ESR1: variants seen among roughly 807,000 people sequenced by gnomAD.
ESR1 encodes the protein estrogen receptor 1.
Under a neutral mutation model 52.7 loss-of-function variants are expected in ESR1, and 12 were observed. The observed-to-expected ratio is 0.23, with a 90% CI of 0.15 to 0.37. ESR1 has a LOEUF of 0.37. ESR1 is among the 10% of genes least tolerant of loss of function. The pLI, the probability that ESR1 is intolerant of heterozygous loss-of-function variation, is 1.00. For synonymous variants in ESR1, 305 were observed against 316.8 expected (o/e 0.96, Z 0.39); for missense variants, 584 against 779.7 (o/e 0.75, Z 2.99).
chr6:151,850,101 T>TGC (rs1447153907), intron 2 of ESR1, among the ~76,000 whole-genome samples: 4 of 120,500 alleles, frequency 3.3e-5, no homozygotes, highest in African/African-American at 5.7e-5. Flanking sequence ...TAATTTTATA[T>TGC]ATATATACAA....
At chr6:151,748,838 G>A (rs1263225276) in intron 2 of ESR1, among the ~76,000 whole-genome samples, 2 of 152,138 alleles carry the variant, frequency 1.3e-5, no homozygotes, top group East Asian at 3.8e-4. Context: ...TCAAATTTCT[G>A]AGAAATATGC....
At chr6:152,110,873 G>T (rs1027995520) in intron 6 of ESR1, among the ~76,000 whole-genome samples, 1 of 152,146 alleles carries the variant, frequency 6.6e-6, no homozygotes, top group Admixed American at 6.5e-5. Flanking sequence ...GTGGGCAGCC[G>T]TTGGGTAGGG....
chr6:151,958,982 G>A (rs1199444940), intron 4 of ESR1, among the ~76,000 whole-genome samples: 1 of 151,988 alleles, frequency 6.6e-6, no homozygotes, highest in Non-Finnish European at 1.5e-5. Flanking sequence ...CCGTGTGTGT[G>A]TGTGTGTGTG....
At chr6:152,057,989 G>A (rs1361597390) in intron 5 of ESR1, among the ~76,000 whole-genome samples, 2 of 152,296 alleles carry the variant, frequency 1.3e-5, no homozygotes, top group East Asian at 1.9e-4. Context: ...CACTTTCTCA[G>A]TTTCTGAACT....
At chr6:151,857,851 A>G (rs1788149665) in intron 2 of ESR1, among the ~76,000 whole-genome samples, 2 of 152,168 alleles carry the variant, frequency 1.3e-5, no homozygotes, top group African/African-American at 4.8e-5. Flanking sequence ...GACTTTTGAA[A>G]TGTGTACTAC....
intron 4 of ESR1, among the ~76,000 whole-genome samples, chr6:151,972,359 C>G (rs1056994081): frequency 6.6e-6 from 1 of 152,124 alleles, no homozygotes; most frequent in Non-Finnish European, 1.5e-5. Flanking sequence ...AAAAAGAAAA[C>G]TACAGCCCAA....
intron 1 of ESR1, among the ~76,000 whole-genome samples, chr6:151,669,045 C>G (rs554306552): frequency 3.3e-5 from 5 of 150,468 alleles, no homozygotes; most frequent in African/African-American, 1.2e-4. Context: ...GGACTTTGCT[C>G]TAGAGGAAAT....
In ESR1 at chr6:152,094,648, G is replaced by A. The variant is rs1015277798; in HGVS notation, c.1553+80G>A. 25 of 1,332,592 alleles carry A rather than the reference G, an allele frequency of 1.9e-5. No individual in the cohort carries two copies. The African/African-American group carries it at 3.3e-4, about 18-fold the overall frequency. The allele number at this position is 1,332,592 out of a possible 1,614,324, so 82.5% of individuals were successfully genotyped here. On this transcript the variant is annotated intron_variant, in intron 7 of 7. Coordinates refer to ENST00000206249, the MANE Select transcript of ESR1 (RefSeq NM_000125.4). The surrounding 1 kb of genome is among the most constrained non-coding windows in gnomAD (Gnocchi z 4.6). ...ACCTATGTGACAGCTGGCCGGGAAG[G>A]ACTGGTGCCTGCATATGGAGAGTGC...
intron 2 of ESR1, among the ~76,000 whole-genome samples, chr6:151,774,272 G>T (rs1224966880): frequency 1.3e-5 from 2 of 152,222 alleles, no homozygotes; most frequent in South Asian, 2.1e-4. Flanking sequence ...ACATTGAAAG[G>T]TTCCATTTGG....
At chr6:151,813,002 A>G (rs1315661445) in intron 1 of ESR1, among the ~76,000 whole-genome samples, 1 of 151,880 alleles carries the variant, frequency 6.6e-6, no homozygotes, top group Non-Finnish European at 1.5e-5. Context: ...GCTGTTCGCT[A>G]CTTCGTCTCT....
intron 2 of ESR1, among the ~76,000 whole-genome samples, chr6:151,864,859 G>A (rs1789568513): frequency 6.7e-6 from 1 of 148,208 alleles, no homozygotes; most frequent in African/African-American, 2.5e-5. Context: ...AACACTGCAT[G>A]TTCTCACTCA....
At position 151,892,523 on chromosome 6, in the gene ESR1, A is replaced by G. The variant is rs116621649; in HGVS notation, c.760+11752A>G. 1.3e-3 allele frequency among the ~76,000 whole-genome samples: 195 copies of G among 152,266 alleles called. 1 individual carries two copies. The highest frequency in any genetic ancestry group is 4.5e-3 in the African/African-American group (185 of 41,564). ...TGGCCATATATTGCTATAAATCACC[A>G]GCAACATAAAAGAAAAAATTCAAAA... On this transcript the variant is annotated intron_variant, in intron 3 of 7. Transcript: ENST00000206249.
At chr6:151,880,330 A>C (rs891733611) in intron 2 of ESR1, among the ~76,000 whole-genome samples, 6 of 151,618 alleles carry the variant, frequency 4.0e-5, no homozygotes, top group Admixed American at 1.3e-4. Flanking sequence ...TTACAGGTGT[A>C]CACCACCATA....
At chr6:151,811,715 C>A (rs1035193055) in intron 1 of ESR1, among the ~76,000 whole-genome samples, 1 of 152,112 alleles carries the variant, frequency 6.6e-6, no homozygotes, top group South Asian at 2.1e-4. Context: ...AGCCCCCTTC[C>A]TTTCTGATCT....
At chr6:151,726,807 G>C (rs1166453270) in intron 2 of ESR1, among the ~76,000 whole-genome samples, 1 of 152,114 alleles carries the variant, frequency 6.6e-6, no homozygotes, top group East Asian at 1.9e-4. Flanking sequence ...CCATATATGA[G>C]TAGTGACATT....
At chr6:151,899,976 T>C (rs935387276) in intron 3 of ESR1, among the ~76,000 whole-genome samples, 1 of 152,054 alleles carries the variant, frequency 6.6e-6, no homozygotes, top group Non-Finnish European at 1.5e-5. Context: ...GAGACGCTCC[T>C]CACTTCCCAG....
intron 2 of ESR1, among the ~76,000 whole-genome samples, chr6:151,843,960 A>G (rs1013503214): frequency 1.3e-5 from 2 of 150,394 alleles, no homozygotes; most frequent in Non-Finnish European, 3.0e-5. Context: ...GTAGCATGTG[A>G]GGTCAACATG....
rs890066873 is a variant in ESR1, at chr6:151,775,671, G to A, written c.-70-32172G>A. Reference sequence around the variant, plus strand: ...TGAGGCAGGAGAATGGCGTGAACCCGGGAGGCGGAGCTTGCAGTGAGCCGA... The same window carrying A: ...TGAGGCAGGAGAATGGCGTGAACCCAGGAGGCGGAGCTTGCAGTGAGCCGA... On this transcript the variant is annotated intron_variant, in intron 2 of 2. Transcript: ENST00000404742. Among the ~76,000 whole-genome samples the A allele has an allele frequency of 2.0e-5, 3 of 151,888 alleles. No homozygotes were observed. The South Asian group carries it at 6.2e-4, about 32-fold the overall frequency.
At chr6:151,737,173 A>C (rs201430888) in intron 2 of ESR1, among the ~76,000 whole-genome samples, 1 of 152,182 alleles carries the variant, frequency 6.6e-6, no homozygotes, top group Non-Finnish European at 1.5e-5. Flanking sequence ...ATGGAAGTAC[A>C]TCATTTCCAT....
Sources: gnomAD v4.1 joint callset for allele counts (sites outside exome capture counted in the v4.1 genomes callset) on GRCh38, gnomAD v4.1.1 for gene constraint, Gnocchi (gnomAD v3.1) non-coding constraint, MANE v1.5 for transcripts, NCBI Gene and HGNC (gene_info 2026-07-23, HGNC 2026-07-21) for gene names.